XYLB: variants seen among roughly 807,000 people sequenced by gnomAD.
The protein encoded by XYLB is xylulose kinase.
Under a neutral mutation model 78.7 loss-of-function variants are expected in XYLB, and 62 were observed. The ratio of observed to expected loss-of-function variants is 0.79; its 90% confidence interval spans 0.64 to 0.97. The LOEUF (loss-of-function observed/expected upper bound fraction) is 0.97. XYLB is among the 50% of genes least tolerant of loss of function. The pLI is 0.00. For missense variants in XYLB, 687 were observed against 676.8 expected (o/e 1.02, Z -0.17); for synonymous variants, 245 against 247.4 (o/e 0.99, Z 0.09).
chr3:38,387,408 T>G (rs1055098174), intron 15 of XYLB, among the ~76,000 whole-genome samples: 1 of 152,152 alleles, frequency 6.6e-6, no homozygotes, highest in Non-Finnish European at 1.5e-5. Context: ...TCTTGCTCTG[T>G]TGCCCAGGCT....
At chr3:38,374,407 C>T (rs1322869258) in intron 10 of XYLB, 55 bp from the exon 11 acceptor site, 1 of 1,613,392 alleles carries the variant, frequency 6.2e-7, no homozygotes, top group Non-Finnish European at 8.5e-7. Context: ...CTGTGGTTTG[C>T]TTTGTGGTTC....
chr3:38,422,332 A>T (rs1175049834), downstream of XYLB, among the ~76,000 whole-genome samples: 4 of 152,238 alleles, frequency 2.6e-5, no homozygotes, highest in African/African-American at 9.6e-5. Flanking sequence ...TGATTGTGCC[A>T]TATGTGGAAA....
chr3:38,357,774 C>T (rs1474040289), intron 2 of XYLB, among the ~76,000 whole-genome samples: 5 of 45,732 alleles, frequency 1.1e-4, no homozygotes, highest in African/African-American at 4.1e-4. Flanking sequence ...TTTTGATTTG[C>T]ATTTATCTAA....
chr3:38,372,582 A>C, intron 9 of XYLB, 73 bp from the exon 10 acceptor site: 6 of 1,610,296 alleles, frequency 3.7e-6, no homozygotes, highest in Non-Finnish European at 5.1e-6. Flanking sequence ...TCGTGGCCTG[A>C]AGGGTGGGTG....
downstream of XYLB, among the ~76,000 whole-genome samples, chr3:38,415,721 G>T (rs1171043388): frequency 6.6e-6 from 1 of 152,156 alleles, no homozygotes; most frequent in Non-Finnish European, 1.5e-5. Flanking sequence ...GGCAGAGATT[G>T]CAGTGAGCCG....
intron 2 of XYLB, among the ~76,000 whole-genome samples, chr3:38,351,335 C>T (rs1261495865): frequency 6.6e-6 from 1 of 151,896 alleles, no homozygotes; most frequent in Admixed American, 6.6e-5. Context: ...TTTCCTCTCC[C>T]TCACTCTCTC....
At chr3:38,439,126 AC>A in the XYLB span, among the ~76,000 whole-genome samples, 1 of 152,070 alleles carries the variant, frequency 6.6e-6, no homozygotes, top group Admixed American at 6.5e-5. Context: ...TAAACAGGAC[AC>A]CCCAGCTGCT....
the XYLB span, among the ~76,000 whole-genome samples, chr3:38,448,614 A>C: frequency 1.3e-5 from 2 of 152,204 alleles, no homozygotes; most frequent in Admixed American, 1.3e-4. Flanking sequence ...GGCATTTAAA[A>C]TATTTTTTTA....
intron 15 of XYLB, among the ~76,000 whole-genome samples, chr3:38,395,030 A>G (rs1312500647): frequency 6.6e-6 from 1 of 152,162 alleles, no homozygotes; most frequent in Non-Finnish European, 1.5e-5. Context: ...TTCATCATTT[A>G]CACAAGGTTC....
chr3:38,375,348 T>A, intron 12 of XYLB, 89 bp downstream of exon 12: 2 of 1,141,908 alleles, frequency 1.8e-6, no homozygotes, highest in African/African-American at 1.5e-5. Context: ...GTCATTCCAC[T>A]AAGCTCTGGA....
chr3:38,391,430 T>C (rs1346891173), intron 15 of XYLB, among the ~76,000 whole-genome samples: 2 of 152,192 alleles, frequency 1.3e-5, no homozygotes, highest in African/African-American at 4.8e-5. Context: ...CTTTTTGCCC[T>C]TTCTGAACTT....
chr3:38,401,876 AG>A (rs1352679956), intron 18 of XYLB, among the ~76,000 whole-genome samples: 1 of 152,174 alleles, frequency 6.6e-6, no homozygotes, highest in East Asian at 1.9e-4. Flanking sequence ...GCCCAGCAGC[AG>A]GGGTGGGTGC....
downstream of XYLB, among the ~76,000 whole-genome samples, chr3:38,419,203 A>G (rs1708894869): frequency 6.6e-6 from 1 of 152,168 alleles, no homozygotes. Flanking sequence ...TTGCATGTGT[A>G]AAATAGTTAA....
chr3:38,349,983 A>G (rs1705272995), intron 2 of XYLB, among the ~76,000 whole-genome samples: 1 of 152,174 alleles, frequency 6.6e-6, no homozygotes, highest in Non-Finnish European at 1.5e-5. Flanking sequence ...AATAATCACA[A>G]TCCAAGGCCC....
chr3:38,353,003 T>C (rs1433947367), intron 2 of XYLB, among the ~76,000 whole-genome samples: 2 of 152,162 alleles, frequency 1.3e-5, no homozygotes, highest in African/African-American at 2.4e-5. Context: ...AGTGCTGAGA[T>C]TACAGGCGTG....
chr3:38,370,169 GT>G lies in XYLB; in HGVS notation c.762del (p.Val255TrpfsTer34). 1 of 1,613,174 alleles carries G rather than the reference GT, an allele frequency of 6.2e-7. No individual in the cohort carries two copies. ...TAGCCCACCAGTACCATCATGCTCA[GT>G]TGTGGTAGGTCTCCTTTCTGGTGAT... ...KLSPPVPSCSVVGAISSYYVQ... is the reference protein window; with the variant it reads ...KLSPPVPSCSXVGAISSYYVQ... On this transcript the variant is annotated frameshift_variant, in exon 9 of 19. Transcript: ENST00000207870. LOFTEE classifies it high-confidence loss of function.
intron 18 of XYLB, among the ~76,000 whole-genome samples, chr3:38,409,434 T>C (rs1488609983): frequency 6.6e-6 from 1 of 152,186 alleles, no homozygotes; most frequent in Non-Finnish European, 1.5e-5. Flanking sequence ...AATATCATAC[T>C]GAATGGGCAA....
At chr3:38,406,130 C>A (rs1708311709) in intron 18 of XYLB, among the ~76,000 whole-genome samples, 1 of 152,246 alleles carries the variant, frequency 6.6e-6, no homozygotes, top group Admixed American at 6.5e-5. Flanking sequence ...ACCTGGGAGG[C>A]ACCCCCCAGT....
the XYLB span, among the ~76,000 whole-genome samples, chr3:38,443,113 G>A: frequency 1.7e-4 from 26 of 152,310 alleles, 1 homozygote; most frequent in African/African-American, 6.0e-4. Flanking sequence ...CCTGGTTACA[G>A]GCTGTCCCAG....
Sources: gnomAD v4.1 joint callset for allele counts (sites outside exome capture counted in the v4.1 genomes callset) on GRCh38, gnomAD v4.1.1 for gene constraint, MANE v1.5 for transcripts, NCBI Gene and HGNC (gene_info 2026-07-23, HGNC 2026-07-21) for gene names.